Variants in ALS2 observed in about 807,000 individuals in gnomAD.
ALS2 encodes alsin.
Under a neutral mutation model 203.4 loss-of-function variants are expected in ALS2, and 117 were observed. That is an observed-to-expected ratio of 0.58 (90% CI 0.50 to 0.67). The LOEUF is 0.67. ALS2 is among the 30% of genes least tolerant of loss of function. ALS2 has a pLI of 0.00. For missense variants in ALS2, 1,715 were observed against 1,989.4 expected, an observed-to-expected ratio of 0.86 and a Z score of 2.62; for synonymous variants, 718 against 725.9, an observed-to-expected ratio of 0.99 and a Z score of 0.17.
intron 3 of ALS2, chr2:201,763,440 G>T (rs1693879264): frequency 3.9e-6 from 1 of 255,672 alleles, no homozygotes; most frequent in Non-Finnish European, 7.7e-6. Flanking sequence ...AAGACCTACA[G>T]CTAACTGGCC....
chr2:201,771,379 G>A (rs991259620), intron 1 of ALS2, among the ~76,000 whole-genome samples: 4 of 152,038 alleles, frequency 2.6e-5, no homozygotes, highest in African/African-American at 9.7e-5. Context: ...TGTTTTAATG[G>A]TGTTTAATAT....
At chr2:201,717,034 A>C (rs1463935558) in intron 24 of ALS2, among the ~76,000 whole-genome samples, 1 of 152,142 alleles carries the variant, frequency 6.6e-6, no homozygotes, top group Non-Finnish European at 1.5e-5. Flanking sequence ...TAAAGCCAAA[A>C]ATGCAATGGG....
chr2:201,745,325 G>C (rs905619560), intron 9 of ALS2, among the ~76,000 whole-genome samples: 6 of 152,212 alleles, frequency 3.9e-5, no homozygotes, highest in Admixed American at 3.9e-4. Context: ...TGGGATTATA[G>C]GGATGAACCA....
chr2:201,725,394 A>C lies in ALS2; in HGVS notation c.3309T>G (p.His1103Gln). The C allele has an allele frequency of 1.2e-6, 2 of 1,614,050 alleles. No homozygotes were observed. The highest frequency in any genetic ancestry group is 1.6e-4 in the Middle Eastern group (1 of 6,062). Reference protein sequence around the residue: ...AMNKEDHYVGHWKEGKMCGQG... With the variant: ...AMNKEDHYVGQWKEGKMCGQG... ...GACCGCACATTTTTCCTTCTTTCCA[A>C]TGGCCCACATAATGGTCTTCTTTGT... is the stretch of plus-strand genomic sequence containing the variant. Residue 1103 changes from histidine to glutamine, a missense_variant, in exon 20 of 34, where the codon CAT becomes CAG. Physicochemically the swap from His to Gln is conservative, Grantham distance 24 (BLOSUM62 0). Transcript: ENST00000264276.
chr2:201,754,661 C>A lies in ALS2; in HGVS notation c.1482G>T (p.Arg494Ser), dbSNP rs1693275587. The A allele has an allele frequency of 1.2e-6, 2 of 1,613,956 alleles. No individual in the cohort carries two copies. Among genetic ancestry groups the A allele is most frequent in the African/African-American group, 2.7e-5 (2 of 74,894 alleles). ...TCACCCGTGCAGCCTTTCTTAAGAG[C>A]CTGGGGGAAACTGAAAACCAACCAG... The part of the protein sequence containing the change: ...LPGLLSQVSP[R>S]LLRKAARVKT... Residue 494 changes from arginine (R) to serine (S), a missense_variant, in exon 6 of 34, where the codon AGG becomes AGT. Physicochemically the swap from Arg to Ser is moderately radical, Grantham distance 110. Coordinates refer to ENST00000264276, the MANE Select transcript of ALS2 (RefSeq NM_020919.4).
At chr2:201,739,362 T>C (rs184081257) in intron 11 of ALS2, among the ~76,000 whole-genome samples, 1 of 152,132 alleles carries the variant, frequency 6.6e-6, no homozygotes, top group East Asian at 1.9e-4. Context: ...GGTAACTTAA[T>C]TAACATACTT....
chr2:201,752,633 T>C (rs1693134798), intron 7 of ALS2, among the ~76,000 whole-genome samples: 1 of 152,154 alleles, frequency 6.6e-6, no homozygotes, highest in South Asian at 2.1e-4. Flanking sequence ...AATATGAATA[T>C]ATTTAATATT....
chr2:201,767,516 T>A (rs1427303629), intron 2 of ALS2, 133 bp from the exon 3 acceptor site: 11 of 1,001,636 alleles, frequency 1.1e-5, no homozygotes, highest in East Asian at 2.7e-5. Context: ...TAGCACCTAT[T>A]TTATGCTTTG....
chr2:201,763,358 T>C (rs1200932218), intron 3 of ALS2: 2 of 198,616 alleles, frequency 1.0e-5, no homozygotes, highest in East Asian at 2.4e-4. Flanking sequence ...TATCGATGAC[T>C]GCTACTCCTC....
intron 1 of ALS2, among the ~76,000 whole-genome samples, chr2:201,777,718 T>C (rs958925330): frequency 3.9e-5 from 6 of 152,180 alleles, no homozygotes; most frequent in Non-Finnish European, 8.8e-5. Context: ...ATATTTACTT[T>C]TATGTACTTT....
At chr2:201,713,133 CTTTTT>C (rs35807671) in intron 25 of ALS2, among the ~76,000 whole-genome samples, 9 of 96,274 alleles carry the variant, frequency 9.3e-5, no homozygotes, top group Admixed American at 2.7e-4. Flanking sequence ...CTTTTCTTTT[CTTTTT>C]TTTTTTTTTT....
At chr2:201,739,822 T>C (rs1393021491) in intron 11 of ALS2, among the ~76,000 whole-genome samples, 1 of 151,412 alleles carries the variant, frequency 6.6e-6, no homozygotes, top group Non-Finnish European at 1.5e-5. Context: ...TGTTAGAAAA[T>C]GTTGATTAAA....
At chr2:201,773,951 A>C (rs1694539529) in intron 1 of ALS2, among the ~76,000 whole-genome samples, 1 of 152,226 alleles carries the variant, frequency 6.6e-6, no homozygotes, top group South Asian at 2.1e-4. Context: ...AACACAGGTA[A>C]CGGCTGAGCA....
At chr2:201,745,249 C>T (rs890931409) in intron 9 of ALS2, among the ~76,000 whole-genome samples, 6 of 152,154 alleles carry the variant, frequency 3.9e-5, no homozygotes, top group Non-Finnish European at 8.8e-5. Context: ...CAGGGTCTTG[C>T]TATGTTGCCC....
intron 12 of ALS2, among the ~76,000 whole-genome samples, chr2:201,738,270 A>G (rs190483958): frequency 1.3e-5 from 2 of 152,248 alleles, no homozygotes. Context: ...ATTTACCCAG[A>G]AGCTAAATGC....
intron 9 of ALS2, 58 bp from the exon 10 acceptor site, chr2:201,744,487 G>A: frequency 6.5e-7 from 1 of 1,537,478 alleles, no homozygotes; most frequent in Non-Finnish European, 8.9e-7. Context: ...TACTAATTTG[G>A]TATACTGAAG....
intron 12 of ALS2, among the ~76,000 whole-genome samples, chr2:201,735,765 G>A (rs910612459): frequency 6.6e-6 from 1 of 152,114 alleles, no homozygotes; most frequent in African/African-American, 2.4e-5. Context: ...AAATACCAGA[G>A]GAAGGTCAAC....
At position 201,749,769 on chromosome 2, in the gene ALS2, A is replaced by G; in HGVS notation, c.1758T>C (p.Asn586=). 1 of 1,614,130 alleles carries G rather than the reference A, an allele frequency of 6.2e-7. No individual in the cohort carries two copies. Among genetic ancestry groups the G allele is most frequent in the South Asian group, 1.1e-5 (1 of 91,086 alleles). ...CGGAATGCCCAAGTTGACCAAAGGT[A>G]TTGCTACCCCATGAGTAAACCTATC... ...AKSQVYSWGS[N]TFGQLGHSDF... is the part of the protein sequence containing the mutation. Residue 586 remains asparagine, a synonymous_variant, in exon 8 of 34, where the codon AAT becomes AAC. Transcript: ENST00000264276.
intron 2 of ALS2, among the ~76,000 whole-genome samples, chr2:201,768,307 T>C (rs1242814021): frequency 1.3e-5 from 2 of 152,220 alleles, no homozygotes; most frequent in Admixed American, 6.5e-5. Flanking sequence ...AATGACCATA[T>C]CCTAACTGCC....
Sources: gnomAD v4.1 joint callset for allele counts (sites outside exome capture counted in the v4.1 genomes callset) on GRCh38, gnomAD v4.1.1 for gene constraint, MANE v1.5 for transcripts, NCBI Gene and HGNC (gene_info 2026-07-23, HGNC 2026-07-21) for gene names.